MYO5A: variants seen among roughly 807,000 people sequenced by gnomAD.
The protein encoded by MYO5A is myosin VA.
A neutral mutation model predicts 249.7 loss-of-function variants in MYO5A; 98 were observed. That is an observed-to-expected ratio of 0.39 (90% CI 0.33 to 0.46). MYO5A has a LOEUF of 0.46. Among genes scored for constraint, MYO5A ranks in the 20% least tolerant of loss-of-function variants. The pLI is 0.98. For synonymous variants in MYO5A, 778 were observed against 810.6 expected (o/e 0.96, Z 0.68); for missense variants, 1,696 against 2,308.8 (o/e 0.73, Z 5.44).
At chr15:52,366,274 A>G (rs1285712781) in intron 23 of MYO5A, among the ~76,000 whole-genome samples, 1 of 152,152 alleles carries the variant, frequency 6.6e-6, no homozygotes, top group Admixed American at 6.6e-5. Flanking sequence ...TACTAATAAC[A>G]TATCTTTATT....
intron 34 of MYO5A, chr15:52,331,718 T>G: frequency 1.0e-6 from 1 of 985,436 alleles, no homozygotes; most frequent in Non-Finnish European, 1.2e-6. Context: ...CTCTTGCTTA[T>G]GTGGCATGGA....
chr15:52,508,892 C>T (rs1054471405), intron 1 of MYO5A, among the ~76,000 whole-genome samples: 3 of 151,972 alleles, frequency 2.0e-5, no homozygotes, highest in Non-Finnish European at 4.4e-5. Flanking sequence ...CCAAAAAAAA[C>T]GTAAGCCGTA....
chr15:52,512,357 C>T (rs1002051823), intron 1 of MYO5A, among the ~76,000 whole-genome samples: 4 of 151,984 alleles, frequency 2.6e-5, no homozygotes, highest in Non-Finnish European at 4.4e-5. Context: ...AAGTCCTTAT[C>T]GCAGGGGTCT....
chr15:52,451,290 T>G (rs2076015627), intron 1 of MYO5A, among the ~76,000 whole-genome samples: 1 of 152,084 alleles, frequency 6.6e-6, no homozygotes, highest in South Asian at 2.1e-4. Context: ...CCTGCAATAT[T>G]TTAACTAAAT....
At chr15:52,405,750 T>C (rs1353580012) in intron 8 of MYO5A, among the ~76,000 whole-genome samples, 1 of 152,212 alleles carries the variant, frequency 6.6e-6, no homozygotes, top group Non-Finnish European at 1.5e-5. Flanking sequence ...TAAATGAGAT[T>C]AAATGCACAT....
In MYO5A at chr15:52,310,783, AG is replaced by A. The variant is rs1330948640; in HGVS notation, c.*2912del. 6.6e-6 allele frequency: 1 copy of A among 152,482 alleles called. No individual in the cohort carries two copies. The highest frequency in any genetic ancestry group is 1.5e-5 in the Non-Finnish European group (1 of 68,226). 9.4% of individuals were successfully genotyped at this position (152,482 alleles called of 1,614,324 possible). On this transcript the variant is annotated 3_prime_UTR_variant, in exon 42 of 42. Coordinates refer to ENST00000399233, the MANE Select transcript of MYO5A (RefSeq NM_001382347.1). ...GTGGCTGACAGAGAGAAAGAACCTC[AG>A]AGGGAAAGCAATCCTCAAACTGGCC...
intron 1 of MYO5A, among the ~76,000 whole-genome samples, chr15:52,508,667 T>C (rs764758631): frequency 1.4e-4 from 22 of 152,144 alleles, no homozygotes; most frequent in Non-Finnish European, 2.8e-4. Context: ...ACTCCACACA[T>C]AGCTGGTAAC....
intron 1 of MYO5A, among the ~76,000 whole-genome samples, chr15:52,441,318 G>A (rs988211539): frequency 6.6e-6 from 1 of 152,160 alleles, no homozygotes; most frequent in African/African-American, 2.4e-5. Flanking sequence ...GAGGATGTGT[G>A]TGTGTGTGTC....
At chr15:52,528,421 C>T (rs999502387) in intron 1 of MYO5A, among the ~76,000 whole-genome samples, 4 of 152,246 alleles carry the variant, frequency 2.6e-5, no homozygotes, top group Non-Finnish European at 5.9e-5. Context: ...GAGCAAGCAT[C>T]TCCCACCCGC....
At chr15:52,425,773 G>A (rs1006734172) in intron 4 of MYO5A, 57 bp downstream of exon 4, 2 of 1,584,186 alleles carry the variant, frequency 1.3e-6, no homozygotes, top group African/African-American at 2.7e-5. Flanking sequence ...GACTTAGCAA[G>A]AAGAAATTAT....
intron 1 of MYO5A, among the ~76,000 whole-genome samples, chr15:52,445,605 G>C (rs10851515): frequency 0.15 from 22,854 of 152,198 alleles, 1,827 homozygotes; most frequent in Middle Eastern, 0.22. Flanking sequence ...GAAGAAGAAA[G>C]AAAGTTTGGA....
chr15:52,401,443 A>C (rs2042752249), intron 9 of MYO5A, among the ~76,000 whole-genome samples: 1 of 152,224 alleles, frequency 6.6e-6, no homozygotes, highest in South Asian at 2.1e-4. Flanking sequence ...AACGGGATAT[A>C]TAATTCTAAC....
chr15:52,425,966 G>C lies in MYO5A; in HGVS notation c.319C>G (p.Leu107Val). 6.2e-7 allele frequency: 1 copy of C among 1,612,386 alleles called. No individual in the cohort carries two copies. The highest frequency in any genetic ancestry group is 8.5e-7 in the Non-Finnish European group (1 of 1,178,638). Residue 107 changes from leucine (L) to valine (V), a missense_variant, in exon 4 of 42, where the codon CTA (leucine) becomes GTA (valine). Leu to Val is a conservative substitution (Grantham distance 32). Transcript: ENST00000399233. ...KLIYTYCGIV[L>V]VAINPYEQLP... ...TGTTCATAGGGATTTATAGCTACTA[G>C]GACTATACCTGGGAATAGGGTAGGG...
Position 52,343,181 on chromosome 15 carries a change from A to T in MYO5A, c.3976T>A (p.Tyr1326Asn). ...KETNRSSALD[Y>N]HELNEDGELW... ...TCTCCATCCTCATTCAACTCATGGT[A>T]ATCCAGAGCAGATGATCTTCCATGC... The change falls in exon 31 of 42, where the codon TAC becomes AAC. Residue 1326 changes from tyrosine (Y) to asparagine (N), a missense_variant. By Grantham distance (143) the Tyr-to-Asn change is moderately radical (BLOSUM62 -2). Coordinates refer to ENST00000399233, the MANE Select transcript of MYO5A (RefSeq NM_001382347.1). The T allele has an allele frequency of 6.2e-7, 1 of 1,613,874 alleles. No homozygotes were observed. Among genetic ancestry groups the T allele is most frequent in the South Asian group, 1.1e-5 (1 of 91,082 alleles).
At chr15:52,390,960 A>T (rs143982610) in intron 12 of MYO5A, among the ~76,000 whole-genome samples, 73 of 152,166 alleles carry the variant, frequency 4.8e-4, no homozygotes, top group African/African-American at 1.6e-3. Flanking sequence ...TGCATTATTT[A>T]TGGCTACTAG....
rs1011531625 is a variant in MYO5A, at chr15:52,380,043, G to A, written c.2013-135C>T. 9 of 861,902 alleles carry A rather than the reference G, an allele frequency of 1.0e-5. No individual in the cohort carries two copies. The African/African-American group carries it at 1.3e-4, about 13-fold the overall frequency. 53.4% of individuals were successfully genotyped at this position (861,902 alleles called of 1,614,324 possible). A position where few individuals can be genotyped will look rare whatever the true frequency, so the allele number is the denominator to read the frequency against. ...CAGAAAAGAAAGCTTTCAGAAGTCG[G>A]AGCAGTGATCAAAATGGAAAACTAT... On this transcript the variant is annotated intron_variant, in intron 16 of 41. Transcript: ENST00000399233.
At chr15:52,457,610 C>T (rs1268519499) in intron 1 of MYO5A, among the ~76,000 whole-genome samples, 1 of 152,004 alleles carries the variant, frequency 6.6e-6, no homozygotes, top group Non-Finnish European at 1.5e-5. Context: ...CAAAAAATAA[C>T]AGAGACTGTT....
In MYO5A at chr15:52,346,477, C is replaced by T. The variant is rs1463674451; in HGVS notation, c.3859-16G>A. 3 of 1,432,438 alleles carry T rather than the reference C, an allele frequency of 2.1e-6. No homozygotes were observed. Among genetic ancestry groups the T allele is most frequent in the Non-Finnish European group, 2.0e-6 (2 of 1,017,010 alleles). 88.7% of individuals were successfully genotyped at this position (1,432,438 alleles called of 1,614,324 possible). On this transcript the variant is annotated splice_polypyrimidine_tract_variant and intron_variant, in intron 29 of 41. Transcript: ENST00000399233. ...TCATTGTATTCTGAGAGGGAAATAA[C>T]ACATTTACGCATTAAGATTCAACTC...
chr15:52,463,005 T>A (rs1349343558), intron 1 of MYO5A, among the ~76,000 whole-genome samples: 1 of 152,172 alleles, frequency 6.6e-6, no homozygotes, highest in Non-Finnish European at 1.5e-5. Flanking sequence ...GTGGTCGGGT[T>A]CTCAGTATGA....
Sources: allele counts gnomAD v4.1 joint callset (sites outside exome capture counted in the v4.1 genomes callset), GRCh38; gene constraint gnomAD v4.1.1; transcripts MANE v1.5; gene names NCBI Gene and HGNC (gene_info 2026-07-23, HGNC 2026-07-21).